Variants in MACROD2 observed in about 807,000 individuals in gnomAD.
MACROD2 encodes the protein mono-ADP ribosylhydrolase 2.
Under a neutral mutation model 70.4 loss-of-function variants are expected in MACROD2, and 36 were observed. That is an observed-to-expected ratio of 0.51 (90% CI 0.39 to 0.68). The LOEUF (loss-of-function observed/expected upper bound fraction) is 0.68, where lower values mean the gene tolerates loss of function less well. Ranked by LOEUF, MACROD2 falls within the 30% of genes least tolerant of loss-of-function variation. The pLI, the probability that MACROD2 is intolerant of heterozygous loss-of-function variation, is 0.00. For missense variants in MACROD2, 496 were observed against 538.4 expected (o/e 0.92, Z 0.78); for synonymous variants, 172 against 178.8 (o/e 0.96, Z 0.30).
chr20:15,458,551 G>A (rs1422770842), intron 7 of MACROD2, among the ~76,000 whole-genome samples: 2 of 150,556 alleles, frequency 1.3e-5, no homozygotes, highest in African/African-American at 4.9e-5. Context: ...CTGAATCAGA[G>A]AACAGCCCTA....
intron 8 of MACROD2, among the ~76,000 whole-genome samples, chr20:15,683,118 A>G (rs1243414932): frequency 6.6e-6 from 1 of 152,242 alleles, no homozygotes; most frequent in African/African-American, 2.4e-5. Context: ...TGTCTTAGAA[A>G]AACAGTACGG....
intron 15 of MACROD2, among the ~76,000 whole-genome samples, chr20:16,017,984 C>T (rs570375965): frequency 2.0e-5 from 3 of 152,234 alleles, no homozygotes; most frequent in East Asian, 3.9e-4. Flanking sequence ...ACTGCCCCAC[C>T]GTCTCCTACA....
intron 3 of MACROD2, among the ~76,000 whole-genome samples, chr20:14,159,263 A>G (rs1246383208): frequency 3.9e-5 from 6 of 152,326 alleles, no homozygotes; most frequent in Admixed American, 3.9e-4. Flanking sequence ...AGAAAAAAAC[A>G]GAAAAATAAC....
At chr20:15,286,161 A>G (rs1242235186) in intron 6 of MACROD2, among the ~76,000 whole-genome samples, 1 of 152,182 alleles carries the variant, frequency 6.6e-6, no homozygotes, top group Non-Finnish European at 1.5e-5. Context: ...GGCGAAGAAG[A>G]GAAATTTTGT....
At chr20:16,004,796 G>C (rs2066765219) in intron 15 of MACROD2, among the ~76,000 whole-genome samples, 1 of 152,230 alleles carries the variant, frequency 6.6e-6, no homozygotes, top group Non-Finnish European at 1.5e-5. Context: ...CCGTCTTGCA[G>C]TACTCTCTCT....
chr20:15,359,162 A>G (rs781743185), intron 6 of MACROD2, among the ~76,000 whole-genome samples: 2 of 152,124 alleles, frequency 1.3e-5, no homozygotes, highest in Non-Finnish European at 2.9e-5. Context: ...ACTTAATGTA[A>G]TTTAATTCAA....
chr20:14,562,256 A>G (rs1979484869), intron 4 of MACROD2, among the ~76,000 whole-genome samples: 1 of 151,918 alleles, frequency 6.6e-6, no homozygotes, highest in Non-Finnish European at 1.5e-5. Flanking sequence ...GAACATCCTC[A>G]AGCATTATTT....
intron 2 of MACROD2, among the ~76,000 whole-genome samples, chr20:14,051,418 C>T (rs1475539709): frequency 6.6e-6 from 1 of 152,164 alleles, no homozygotes; most frequent in South Asian, 2.1e-4. Flanking sequence ...TAGCAGTTGT[C>T]TCCTTCCCCT....
rs1214112690 is a variant in MACROD2, at chr20:14,636,164, C to A, written c.302-48679C>A. ...GAATAAGAGTTCTATGAAAATGGAT[C>A]ATTTTAATGTGATAATGAATGGAAT... On this transcript the variant is annotated intron_variant, in intron 4 of 17. Transcript: ENST00000684519. 2.0e-5 allele frequency among the ~76,000 whole-genome samples: 3 copies of A among 152,088 alleles called. No individual in the cohort carries two copies. In the South Asian group the frequency reaches 6.2e-4, roughly 32 times the overall value.
At chr20:14,548,140 A>G (rs1272040867) in intron 4 of MACROD2, among the ~76,000 whole-genome samples, 1 of 152,188 alleles carries the variant, frequency 6.6e-6, no homozygotes. Flanking sequence ...TTGGGGCCAT[A>G]TTTGGAGACT....
chr20:15,536,740 G>A (rs1014756968), intron 8 of MACROD2, among the ~76,000 whole-genome samples: 8 of 151,974 alleles, frequency 5.3e-5, no homozygotes, highest in Non-Finnish European at 8.8e-5. Context: ...GCTGCTCTTC[G>A]GTGCGTTTCT....
At chr20:14,886,262 AGGCCC>A (rs1407686934) in intron 5 of MACROD2, among the ~76,000 whole-genome samples, 2 of 152,168 alleles carry the variant, frequency 1.3e-5, no homozygotes, top group African/African-American at 2.4e-5. Flanking sequence ...GCAAGTGCAA[AGGCCC>A]TGAGATAGGT....
In MACROD2 at chr20:15,532,270, C is replaced by CATTGTTCA. The variant is rs559403033; in HGVS notation, c.645+32424_645+32431dup. ...ACATACTTATACTAAAATAATTACT[C>CATTGTTCA]ATTGTTCATCTGAAATTCAGATATA... is the stretch of plus-strand genomic sequence containing the variant. On this transcript the variant is annotated intron_variant, in intron 8 of 17. Coordinates refer to ENST00000684519, the MANE Select transcript of MACROD2 (RefSeq NM_001351661.2). Among the ~76,000 whole-genome samples the CATTGTTCA allele has an allele frequency of 1.5e-3, 226 of 152,038 alleles. 1 individual carries two copies. The highest frequency in any genetic ancestry group is 2.6e-3 in the Admixed American group (39 of 15,272).
intron 5 of MACROD2, among the ~76,000 whole-genome samples, chr20:14,780,754 A>G (rs1428108924): frequency 6.6e-6 from 1 of 152,066 alleles, no homozygotes; most frequent in African/African-American, 2.4e-5. Flanking sequence ...GATAACAGAG[A>G]GGAATGAGAG....
chr20:14,727,845 C>T (rs1568761937), intron 5 of MACROD2, among the ~76,000 whole-genome samples: 1 of 152,066 alleles, frequency 6.6e-6, no homozygotes, highest in Non-Finnish European at 1.5e-5. Flanking sequence ...TTTTCCAGTC[C>T]CATTTCACTC....
intron 8 of MACROD2, among the ~76,000 whole-genome samples, chr20:15,714,011 A>G (rs919407774): frequency 1.3e-5 from 2 of 151,202 alleles, no homozygotes; most frequent in African/African-American, 4.9e-5. Flanking sequence ...ACACACACAC[A>G]CACACACACA....
At chr20:14,231,826 G>A (rs987404616) in intron 3 of MACROD2, among the ~76,000 whole-genome samples, 13 of 152,234 alleles carry the variant, frequency 8.5e-5, no homozygotes, top group African/African-American at 2.4e-4. Context: ...TTTAATGATT[G>A]CCATTCTAAC....
At chr20:14,938,106 T>C (rs1284852963) in intron 5 of MACROD2, among the ~76,000 whole-genome samples, 1 of 152,038 alleles carries the variant, frequency 6.6e-6, no homozygotes, top group Admixed American at 6.6e-5. Context: ...ATGGATACTT[T>C]GGTTGATTCC....
intron 13 of MACROD2, among the ~76,000 whole-genome samples, chr20:15,969,109 C>T (rs1022042009): frequency 4.6e-5 from 7 of 151,902 alleles, no homozygotes; most frequent in African/African-American, 1.7e-4. Context: ...GAAGAATGAA[C>T]GAGCAGTAGA....
Sources: allele counts gnomAD v4.1 joint callset (sites outside exome capture counted in the v4.1 genomes callset), GRCh38; gene constraint gnomAD v4.1.1; transcripts MANE v1.5; gene names NCBI Gene and HGNC (gene_info 2026-07-23, HGNC 2026-07-21).